KLHL2: variants seen among roughly 807,000 people sequenced by gnomAD.
The protein encoded by KLHL2 is kelch like family member 2, also known as kelch-like protein 2.
Under a neutral mutation model 75.8 loss-of-function variants are expected in KLHL2, and 15 were observed. The ratio of observed to expected loss-of-function variants is 0.20; its 90% CI spans 0.13 to 0.30. The LOEUF (loss-of-function observed/expected upper bound fraction) is 0.30. KLHL2 is among the 10% of genes least tolerant of loss of function. The pLI, the probability that KLHL2 is intolerant of heterozygous loss-of-function variation, is 1.00. For missense variants in KLHL2, 381 were observed against 741.0 expected, an observed-to-expected ratio of 0.51 and a Z score of 5.64; for synonymous variants, 214 against 251.9, an observed-to-expected ratio of 0.85 and a Z score of 1.42.
At chr4:165,293,458 A>C (rs1744670530) in intron 5 of KLHL2, among the ~76,000 whole-genome samples, 1 of 152,040 alleles carries the variant, frequency 6.6e-6, no homozygotes, top group African/African-American at 2.4e-5. Context: ...CTATTTATTT[A>C]GAATTCAGAG....
chr4:165,247,169 G>A (rs970773826), intron 4 of KLHL2, among the ~76,000 whole-genome samples: 1 of 152,130 alleles, frequency 6.6e-6, no homozygotes, highest in African/African-American at 2.4e-5. Flanking sequence ...TGCTAATCTG[G>A]TGTCTTGTCT....
rs28535933 is a variant in KLHL2, at chr4:165,218,030, G to A, written c.27-1904G>A. The stretch of plus-strand genomic sequence containing the variant: ...TCATATGGTTGTTTCAACAGATCTC[G>A]TTGGCTGTATCTTCAAAATGTCCAG... On this transcript the variant is annotated intron_variant, in intron 1 of 14. Transcript: ENST00000226725. Among the ~76,000 whole-genome samples the A allele has an allele frequency of 2.7e-3, 404 of 152,170 alleles. 2 individuals are homozygous for A. Among genetic ancestry groups the A allele is most frequent in the African/African-American group, 9.1e-3 (379 of 41,504 alleles).
Position 165,310,626 on chromosome 4 carries a change from T to C in KLHL2, c.1113T>C (p.Asp371=), listed in dbSNP as rs781200424. ...GCTCATTAAGAGTTCGCACTGTAGA[T>C]TCCTACGACCCTGTGAAGGACCAGT... The part of the protein sequence containing the change: ...FNGSLRVRTV[D]SYDPVKDQWT... The change falls in exon 10 of 15, where the codon GAT becomes GAC. Residue 371 remains aspartate (D), a synonymous_variant. Coordinates refer to ENST00000226725, the MANE Select transcript of KLHL2 (RefSeq NM_007246.4). 1.2e-6 allele frequency: 2 copies of C among 1,614,038 alleles called. No individual in the cohort carries two copies. The highest frequency in any genetic ancestry group is 1.7e-6 in the Non-Finnish European group (2 of 1,180,014).
intron 1 of KLHL2, chr4:165,208,417 C>T (rs1460473331): frequency 6.6e-6 from 1 of 152,190 alleles, no homozygotes; most frequent in East Asian, 1.9e-4. Flanking sequence ...GGCGGCCGTT[C>T]AGGGCATGTG....
In KLHL2 at chr4:165,317,979, G is replaced by C. The variant is rs1163619275; in HGVS notation, c.1753+10G>C. The C allele has an allele frequency of 1.2e-6, 2 of 1,609,806 alleles. No homozygotes were observed. Among genetic ancestry groups the C allele is most frequent in the Non-Finnish European group, 1.7e-6 (2 of 1,178,648 alleles). ...GGGAGAAGTTATGCAGGTAACAGTT[G>C]TCTCTAAAGTCAATTTCCGTACAAA... On this transcript the variant is annotated intron_variant, in intron 14 of 14. Coordinates refer to ENST00000226725, the MANE Select transcript of KLHL2 (RefSeq NM_007246.4).
intron 3 of KLHL2, among the ~76,000 whole-genome samples, chr4:165,233,090 C>T (rs1296845075): frequency 6.6e-6 from 1 of 151,888 alleles, no homozygotes; most frequent in Non-Finnish European, 1.5e-5. Context: ...TACTTTTAAT[C>T]TCATAAACTG....
At chr4:165,293,183 G>A (rs991453092) in intron 5 of KLHL2, among the ~76,000 whole-genome samples, 5 of 152,082 alleles carry the variant, frequency 3.3e-5, no homozygotes, top group Admixed American at 1.3e-4. Flanking sequence ...CAAAAGATTC[G>A]TTCTTTGTAA....
intron 5 of KLHL2, chr4:165,279,729 A>T: frequency 9.1e-7 from 1 of 1,099,504 alleles, no homozygotes; most frequent in African/African-American, 1.5e-5. Flanking sequence ...TGACGAGTCC[A>T]AAGAGCGAGG....
At chr4:165,210,066 G>T in intron 1 of KLHL2, 8 of 1,551,308 alleles carry the variant, frequency 5.2e-6, no homozygotes, top group Non-Finnish European at 7.0e-6. Context: ...CTATTAGGAA[G>T]ACTCAGCTTT....
At chr4:165,215,369 G>A (rs2110958196) in intron 1 of KLHL2, among the ~76,000 whole-genome samples, 1 of 152,282 alleles carries the variant, frequency 6.6e-6, no homozygotes. Context: ...TGATATCCTG[G>A]ATTTGTTTAT....
At chr4:165,261,748 T>A (rs564924330) in intron 4 of KLHL2, among the ~76,000 whole-genome samples, 1 of 152,362 alleles carries the variant, frequency 6.6e-6, no homozygotes, top group South Asian at 2.1e-4. Context: ...TTTAAGAAGG[T>A]AAGAAGTTTG....
intron 5 of KLHL2, chr4:165,278,629 T>C (rs760762312): frequency 6.3e-7 from 1 of 1,591,612 alleles, no homozygotes; most frequent in Non-Finnish European, 8.6e-7. Context: ...CTGAGGTCTT[T>C]ATAATTCCAA....
Position 165,218,308 on chromosome 4 carries a change from C to T in KLHL2, c.27-1626C>T, listed in dbSNP as rs555040802. On this transcript the variant is annotated intron_variant, in intron 1 of 14. Transcript: ENST00000226725. The stretch of plus-strand genomic sequence containing the variant: ...ATCCTAAAAGGCCCTTTGTGATCTG[C>T]ACTCCCCTCTCCTGCTCAGCCCCAG... Among the ~76,000 whole-genome samples, 5 of 152,234 alleles carry T rather than the reference C, an allele frequency of 3.3e-5. No individual in the cohort carries two copies. The South Asian group carries it at 1.0e-3, about 32-fold the overall frequency.
intron 2 of KLHL2, among the ~76,000 whole-genome samples, chr4:165,220,441 C>A (rs200622900): frequency 3.0e-4 from 44 of 145,848 alleles, no homozygotes; most frequent in East Asian, 6.2e-4. Flanking sequence ...TACAGTAGGC[C>A]AGGTGCGGTG....
chr4:165,296,342 G>A (rs1431091812), intron 6 of KLHL2, among the ~76,000 whole-genome samples: 1 of 152,196 alleles, frequency 6.6e-6, no homozygotes, highest in Non-Finnish European at 1.5e-5. Context: ...GTTTCTCATG[G>A]TGTGGTGGTT....
At chr4:165,309,807 CT>C (rs1746011515) in intron 9 of KLHL2, among the ~76,000 whole-genome samples, 1 of 152,156 alleles carries the variant, frequency 6.6e-6, no homozygotes, top group Non-Finnish European at 1.5e-5. Context: ...TTGCCGACCC[CT>C]GATTTAGCCC....
chr4:165,231,864 A>G (rs1246553498), intron 3 of KLHL2, among the ~76,000 whole-genome samples: 1 of 152,206 alleles, frequency 6.6e-6, no homozygotes, highest in Non-Finnish European at 1.5e-5. Context: ...ACCATTTTAC[A>G]TTCCTACTAG....
chr4:165,276,956 T>G (rs1010576366), intron 5 of KLHL2, among the ~76,000 whole-genome samples: 1 of 152,162 alleles, frequency 6.6e-6, no homozygotes, highest in African/African-American at 2.4e-5. Flanking sequence ...CTAAGACAAT[T>G]AAATAAAAAT....
chr4:165,244,810 G>A (rs1285112884), intron 4 of KLHL2, among the ~76,000 whole-genome samples: 9 of 152,336 alleles, frequency 5.9e-5, no homozygotes, highest in Non-Finnish European at 1.2e-4. Flanking sequence ...AGGGCTAGGC[G>A]TAGGAGCACT....
Sources: gnomAD v4.1 joint callset for allele counts (sites outside exome capture counted in the v4.1 genomes callset) on GRCh38, gnomAD v4.1.1 for gene constraint, MANE v1.5 for transcripts, NCBI Gene and HGNC (gene_info 2026-07-23, HGNC 2026-07-21) for gene names.